Variants in METAP2 observed in about 807,000 individuals in gnomAD.
METAP2 encodes methionyl aminopeptidase 2, also known as methionine aminopeptidase 2.
METAP2 carries 25 observed loss-of-function variants against 59.4 expected under a neutral mutation model. That is an observed-to-expected ratio of 0.42 (90% CI 0.31 to 0.59). The LOEUF (loss-of-function observed/expected upper bound fraction) is 0.59, where lower values mean the gene tolerates loss of function less well. METAP2 is among the 20% of genes least tolerant of loss of function. METAP2 has a pLI of 0.16. For synonymous variants in METAP2, 214 were observed against 194.1 expected (o/e 1.10, Z -0.85); for missense variants, 366 against 581.2 (o/e 0.63, Z 3.81).
Position 95,512,896 on chromosome 12 carries a change from T to C in METAP2, c.1164T>C (p.Asp388=). The C allele has an allele frequency of 6.2e-7, 1 of 1,606,244 alleles. No homozygotes were observed. Among genetic ancestry groups the C allele is most frequent in the Non-Finnish European group, 8.5e-7 (1 of 1,173,124 alleles). ...MECSHYMKNF[D]VGHVPIRLPR... Reference sequence around the variant, plus strand: ...GTTCACATTACATGAAAAATTTTGATGTTGGACATGTGCCAATAAGGTGAG... The same window carrying C: ...GTTCACATTACATGAAAAATTTTGACGTTGGACATGTGCCAATAAGGTGAG... The change falls in exon 10 of 11, where the codon GAT becomes GAC. Residue 388 remains aspartate, a synonymous_variant. Transcript: ENST00000323666.
At chr12:95,474,353 C>A in intron 1 of METAP2, 23 bp downstream of exon 1, 1 of 1,611,296 alleles carries the variant, frequency 6.2e-7, no homozygotes, top group South Asian at 1.1e-5. Context: ...TTATGTTTTC[C>A]CAGTCCCCTC....
chr12:95,483,316 G>T (rs758225811), intron 3 of METAP2, 36 bp downstream of exon 3: 2 of 1,525,206 alleles, frequency 1.3e-6, no homozygotes, highest in African/African-American at 2.8e-5. Context: ...TGATATATTA[G>T]AAGTGTTTAT....
intron 4 of METAP2, among the ~76,000 whole-genome samples, chr12:95,493,316 G>T (rs1411425182): frequency 1.3e-5 from 2 of 152,094 alleles, no homozygotes; most frequent in Non-Finnish European, 2.9e-5. Context: ...TTTCTTTAAA[G>T]AAAAAGTTTT....
intron 5 of METAP2, 26 bp downstream of exon 5, chr12:95,494,243 A>G: frequency 6.3e-7 from 1 of 1,597,226 alleles, no homozygotes; most frequent in Middle Eastern, 1.7e-4. Context: ...CTTCGTAAGA[A>G]CATGATAAAA....
intron 8 of METAP2, among the ~76,000 whole-genome samples, chr12:95,505,423 G>T (rs920573117): frequency 2.0e-4 from 31 of 152,044 alleles, no homozygotes; most frequent in African/African-American, 7.2e-4. Context: ...TGCCTCCTGG[G>T]TTCAAGCGAT....
chr12:95,487,312 C>T (rs1481369854), intron 4 of METAP2, among the ~76,000 whole-genome samples: 1 of 149,220 alleles, frequency 6.7e-6, no homozygotes, highest in African/African-American at 2.5e-5. Context: ...CCTGTAAAGA[C>T]ACCATTTTTT....
intron 10 of METAP2, among the ~76,000 whole-genome samples, 165 bp from the exon 11 acceptor site, chr12:95,513,487 G>A (rs2076420463): frequency 6.6e-6 from 1 of 152,164 alleles, no homozygotes; most frequent in Non-Finnish European, 1.5e-5. Context: ...TCTATAATTA[G>A]GTATGGGCTA....
Position 95,499,297 on chromosome 12 carries a change from G to A in METAP2, c.867+3199G>A, listed in dbSNP as rs115691858. On this transcript the variant is annotated intron_variant, in intron 7 of 10. Transcript: ENST00000323666. ...GTTGGAACTACAGGCTCATGCCACC[G>A]TACCCATCAATTTTGTTTGTTTTTT... 4.6e-3 allele frequency among the ~76,000 whole-genome samples: 702 copies of A among 152,042 alleles called. 7 individuals carry two copies. The highest frequency in any genetic ancestry group is 0.016 in the African/African-American group (671 of 41,476).
chr12:95,487,730 C>G (rs761098620), intron 4 of METAP2, among the ~76,000 whole-genome samples: 3 of 151,658 alleles, frequency 2.0e-5, no homozygotes, highest in Non-Finnish European at 4.4e-5. Flanking sequence ...AATGTTTGAT[C>G]ATTGTTTGTT....
chr12:95,512,654 G>A lies in METAP2; in HGVS notation c.1069-147G>A. On this transcript the variant is annotated intron_variant, in intron 9 of 10. Coordinates refer to ENST00000323666, the MANE Select transcript of METAP2 (RefSeq NM_006838.4). ...TTGAACCTGGAAAGTGGAGGTTGCA[G>A]TGAGCCAAGATCTCACCACTGCACT... The A allele has an allele frequency of 5.5e-6, 3 of 543,922 alleles. No individual in the cohort carries two copies. The South Asian group carries it at 7.7e-5, about 14-fold the overall frequency. 33.7% of individuals were successfully genotyped at this position (543,922 alleles called of 1,614,324 possible). A position where few individuals can be genotyped will look rare whatever the true frequency, so the allele number is the denominator to read the frequency against.
At chr12:95,504,287 C>T in intron 8 of METAP2, 126 bp downstream of exon 8, 1 of 639,616 alleles carries the variant, frequency 1.6e-6, no homozygotes, top group Non-Finnish European at 2.7e-6. Context: ...GGGAAATGAC[C>T]TGCTTAGAGC....
At chr12:95,503,031 AGTG>A (rs1210667092) in intron 7 of METAP2, among the ~76,000 whole-genome samples, 1 of 145,146 alleles carries the variant, frequency 6.9e-6, no homozygotes, top group African/African-American at 2.6e-5. Flanking sequence ...GGCTTTGTGT[AGTG>A]GTAGATCTGC....
chr12:95,476,155 A>C lies in METAP2; in HGVS notation c.236A>C (p.Lys79Thr). 6.2e-7 allele frequency: 1 copy of C among 1,607,038 alleles called. No homozygotes were observed. Among genetic ancestry groups the C allele is most frequent in the Non-Finnish European group, 8.5e-7 (1 of 1,175,566 alleles). ...TTGGAAAGATCAGCATTGGAAGATA[A>C]AGAAAGAGATGAAGATGATGAAGGT... Reference protein sequence around the residue: ...RQLERSALEDKERDEDDEDGD... With the variant: ...RQLERSALEDTERDEDDEDGD... The change falls in exon 2 of 11, where the codon AAA becomes ACA. Residue 79 changes from lysine to threonine, a missense_variant. Lys to Thr is a moderately conservative substitution (Grantham distance 78). Around this residue, in one of 4 missense-constraint regions of METAP2, gnomAD observed 177 missense variants for 180.3 expected, o/e 0.98. Coordinates refer to ENST00000323666, the MANE Select transcript of METAP2 (RefSeq NM_006838.4).
intron 7 of METAP2, among the ~76,000 whole-genome samples, chr12:95,500,993 T>G (rs554092106): frequency 6.6e-6 from 1 of 150,968 alleles, no homozygotes; most frequent in Non-Finnish European, 1.5e-5. Context: ...GGTTCAAAGT[T>G]TTCCTTTGTT....
chr12:95,512,941 A>G (rs1465040974), intron 10 of METAP2, 25 bp downstream of exon 10: 12 of 1,336,580 alleles, frequency 9.0e-6, no homozygotes, highest in South Asian at 7.2e-5. Context: ...GATTGATTTT[A>G]TGTGGCTAAT....
intron 4 of METAP2, among the ~76,000 whole-genome samples, chr12:95,487,305 G>T (rs527475930): frequency 6.6e-6 from 1 of 151,142 alleles, no homozygotes; most frequent in Non-Finnish European, 1.5e-5. Context: ...TTCTTGGCCT[G>T]TAAAGACACC....
rs147652164 is a variant in METAP2 at position 95,477,997 on chromosome 12, T to G, written c.259+1819T>G. Among the ~76,000 whole-genome samples, 244 of 152,356 alleles carry G rather than the reference T, an allele frequency of 1.6e-3. 1 individual carries two copies. Among genetic ancestry groups the G allele is most frequent in the African/African-American group, 5.6e-3 (234 of 41,582 alleles). On this transcript the variant is annotated intron_variant, in intron 2 of 10. Transcript: ENST00000323666. ...TAGACCCACTGTGTATATGGTATCA[T>G]AATGCTTCCTGGGCCTGTCAGGCTA...
chr12:95,509,356 A>G (rs11108081), intron 8 of METAP2, among the ~76,000 whole-genome samples: 12,204 of 152,306 alleles, frequency 0.08, 662 homozygotes, highest in African/African-American at 0.14. Context: ...TGGGAATGCC[A>G]TAGTAAACTT....
chr12:95,513,403 C>A (rs1039746386), intron 10 of METAP2, among the ~76,000 whole-genome samples: 17 of 152,198 alleles, frequency 1.1e-4, no homozygotes, highest in African/African-American at 4.1e-4. Flanking sequence ...AACACACACA[C>A]ACGCACACGC....
Sources: allele counts gnomAD v4.1 joint callset (sites outside exome capture counted in the v4.1 genomes callset), GRCh38; gene constraint gnomAD v4.1.1; regional missense constraint gnomAD v4.1.1; transcripts MANE v1.5; gene names NCBI Gene and HGNC (gene_info 2026-07-23, HGNC 2026-07-21).